Variants in CPNE6 observed in about 807,000 individuals in gnomAD.
The protein encoded by CPNE6 is copine 6, also known as copine-6.
In CPNE6, 33 loss-of-function variants were observed where a neutral mutation model predicts 71.5. That is an observed-to-expected ratio of 0.46 (90% confidence interval 0.35 to 0.62). CPNE6 has a LOEUF of 0.62. Ranked by LOEUF, CPNE6 falls within the 20% of genes least tolerant of loss-of-function variation. The pLI, the probability that CPNE6 is intolerant of heterozygous loss-of-function variation, is 0.00. For missense variants in CPNE6, 576 were observed against 747.3 expected (o/e 0.77, Z 2.67); for synonymous variants, 296 against 293.0 (o/e 1.01, Z -0.10).
Position 24,077,906 on chromosome 14 carries a change from G to T in CPNE6, c.*56G>T, listed in dbSNP as rs542897310. 2 of 587,406 alleles carry T rather than the reference G, an allele frequency of 3.4e-6. No individual in the cohort carries two copies. The highest frequency in any genetic ancestry group is 5.4e-6 in the Non-Finnish European group (2 of 370,798). 36.4% of individuals were successfully genotyped at this position (587,406 alleles called of 1,614,324 possible). A position where few individuals can be genotyped will look rare whatever the true frequency, so the allele number is the denominator to read the frequency against. Reference sequence around the variant, plus strand: ...CTCCCAGGTGCCTGTCCTGACCCTCGTGACTCCAGTGACCAATGCCTCCAC... The same window carrying T: ...CTCCCAGGTGCCTGTCCTGACCCTCTTGACTCCAGTGACCAATGCCTCCAC... On this transcript the variant is annotated 3_prime_UTR_variant, in exon 18 of 18. Transcript: ENST00000397016. This position sits in a 1 kb window ranked among gnomAD's most constrained non-coding sequence, Gnocchi z 6.1.
chr14:24,076,775 G>A, intron 14 of CPNE6, 104 bp from the exon 14 acceptor site: 2 of 1,566,054 alleles, frequency 1.3e-6, no homozygotes, highest in East Asian at 2.2e-5. Context: ...AGGAACTCGA[G>A]GGGAGGGCAG....
Position 24,073,060 on chromosome 14 carries a change from C to A in CPNE6, c.124C>A (p.Pro42Thr). ...CCGGGACACACTCACCAAACCCCAC[C>A]CCTGCGTGCTGCTCAAGCTCTACTC... The change falls in exon 3 of 18, where the codon CCC becomes ACC. Residue 42 changes from proline (P) to threonine (T), a missense_variant. By Grantham distance (38) the Pro-to-Thr change is conservative. Coordinates refer to ENST00000397016, the Ensembl canonical transcript of CPNE6. This position sits in a 1 kb window ranked among gnomAD's most constrained non-coding sequence, Gnocchi z 5.5. The A allele has an allele frequency of 6.5e-7, 1 of 1,538,860 alleles. No individual in the cohort carries two copies. Among genetic ancestry groups the A allele is most frequent in the South Asian group, 1.2e-5 (1 of 81,214 alleles).
Position 24,075,515 on chromosome 14 carries a change from A to G in CPNE6, c.788A>G (p.Asp263Gly). The G allele has an allele frequency of 1.2e-6, 2 of 1,611,592 alleles. No homozygotes were observed. Among genetic ancestry groups the G allele is most frequent in the Admixed American group, 3.4e-5 (2 of 59,568 alleles). ...TGGGGTGGGGTCTAGATGCAGTGGG[A>G]CTGTATCAACCCCAAGTATCGGGAC... is the stretch of plus-strand genomic sequence containing the variant. The change falls in exon 10 of 18, where the codon GAC (aspartate) becomes GGC (glycine). Residue 263 changes from aspartate to glycine, a missense_variant. Asp to Gly is a moderately conservative substitution (Grantham distance 94, BLOSUM62 -1). Around this residue, in one of 4 missense-constraint regions of CPNE6, gnomAD observed 214 missense variants for 291.2 expected, o/e 0.73. Coordinates refer to ENST00000397016, the Ensembl canonical transcript of CPNE6. The surrounding 1 kb of genome is among the most constrained non-coding windows in gnomAD (Gnocchi z 4.3).
intron 11 of CPNE6, 24 bp from the exon 11 acceptor site, chr14:24,076,125 G>A (rs764095852): frequency 1.9e-6 from 3 of 1,609,074 alleles, no homozygotes; most frequent in African/African-American, 2.7e-5. Flanking sequence ...GTTGCAGCAT[G>A]ACCTTCTTCC....
Position 24,072,918 on chromosome 14 carries a change from G to A in CPNE6, c.-4-15G>A. ...TCCCTTTCCAGAGTCCAGGCCACCT[G>A]CTCTGTCCCCACAGTGACATGTCGG... On this transcript the variant is annotated splice_polypyrimidine_tract_variant and intron_variant, in intron 2 of 17. Coordinates refer to ENST00000397016, the Ensembl canonical transcript of CPNE6. 1 of 1,542,708 alleles carries A rather than the reference G, an allele frequency of 6.5e-7. No homozygotes were observed. The highest frequency in any genetic ancestry group is 8.7e-7 in the Non-Finnish European group (1 of 1,146,634).
chr14:24,076,679 C>G, intron 14 of CPNE6, 122 bp downstream of exon 13: 1 of 1,484,454 alleles, frequency 6.7e-7, no homozygotes, highest in Non-Finnish European at 9.3e-7. Context: ...CTGTCTTTAT[C>G]AGGTGAGGCT....
Position 24,075,291 on chromosome 14 carries a change from C to T in CPNE6, c.777+15C>T, listed in dbSNP as rs770676238. 5 of 1,599,962 alleles carry T rather than the reference C, an allele frequency of 3.1e-6. No individual in the cohort carries two copies. Among genetic ancestry groups the T allele is most frequent in the South Asian group, 1.1e-5 (1 of 90,790 alleles). On this transcript the variant is annotated intron_variant, in intron 9 of 17. Transcript: ENST00000397016. This position sits in a 1 kb window ranked among gnomAD's most constrained non-coding sequence, Gnocchi z 4.3. Reference sequence around the variant, plus strand: ...CTGGGCAGGAGGTGCCACAAATACCCCACCCCCAGAATCCCACCCAGATCC... The same window carrying T: ...CTGGGCAGGAGGTGCCACAAATACCTCACCCCCAGAATCCCACCCAGATCC...
Position 24,077,105 on chromosome 14 carries a change from C to A in CPNE6, c.1300-49C>A. The A allele has an allele frequency of 1.3e-6, 2 of 1,593,702 alleles. No individual in the cohort carries two copies. Among genetic ancestry groups the A allele is most frequent in the Non-Finnish European group, 1.7e-6 (2 of 1,173,950 alleles). On this transcript the variant is annotated intron_variant, in intron 15 of 17. Coordinates refer to ENST00000397016, the Ensembl canonical transcript of CPNE6. The surrounding 1 kb of genome is among the most constrained non-coding windows in gnomAD (Gnocchi z 6.1). ...TGCACCTTGGTGGAAACGGTGTCAA[C>A]GCCCTTGCACACAAAGCCAACCCTT...
chr14:24,073,022 A>G lies in CPNE6; in HGVS notation c.86A>G (p.His29Arg), dbSNP rs2035950637. The G allele has an allele frequency of 2.5e-6, 4 of 1,578,796 alleles. No homozygotes were observed. The highest frequency in any genetic ancestry group is 3.4e-6 in the Non-Finnish European group (4 of 1,163,962). ...CGGGTGGAGCTGCGGGTGTCCTGCC[A>G]TGGCCTCCTGGACCGGGACACACTC... is the stretch of plus-strand genomic sequence containing the variant. Residue 29 changes from histidine to arginine, a missense_variant, in exon 3 of 18, where the codon CAT becomes CGT. By Grantham distance (29) the His-to-Arg change is conservative. Transcript: ENST00000397016. This position sits in a 1 kb window ranked among gnomAD's most constrained non-coding sequence, Gnocchi z 5.5.
chr14:24,075,330 G>C lies in CPNE6; in HGVS notation c.777+54G>C. 1 of 1,521,302 alleles carries C rather than the reference G, an allele frequency of 6.6e-7. No individual in the cohort carries two copies. The highest frequency in any genetic ancestry group is 9.1e-7 in the Non-Finnish European group (1 of 1,095,614). 94.2% of individuals were successfully genotyped at this position (1,521,302 alleles called of 1,614,324 possible). ...CCACCCAGATCCCTGGGAGAATCCT[G>C]AGGGTGATGCTGAAGAGACCACCAT... is the stretch of plus-strand genomic sequence containing the variant. On this transcript the variant is annotated intron_variant, in intron 9 of 17. Coordinates refer to ENST00000397016, the Ensembl canonical transcript of CPNE6. The surrounding 1 kb of genome is among the most constrained non-coding windows in gnomAD (Gnocchi z 4.3).
chr14:24,077,876 A>C lies in CPNE6; in HGVS notation c.*38-12A>C. 1.2e-6 allele frequency: 1 copy of C among 844,074 alleles called. No individual in the cohort carries two copies. The highest frequency in any genetic ancestry group is 1.7e-6 in the Non-Finnish European group (1 of 601,404). 52.3% of individuals were successfully genotyped at this position (844,074 alleles called of 1,614,324 possible). ...AGAAGAGAGTGCTTATGACTCTCCC[A>C]CCCCCTCCCAGGTGCCTGTCCTGAC... On this transcript the variant is annotated splice_polypyrimidine_tract_variant and intron_variant, in intron 17 of 17. Coordinates refer to ENST00000397016, the Ensembl canonical transcript of CPNE6. This position sits in a 1 kb window ranked among gnomAD's most constrained non-coding sequence, Gnocchi z 6.1.
In CPNE6 at chr14:24,073,050, C is replaced by G. The variant is rs370467929; in HGVS notation, c.114C>G (p.Thr38=). The change falls in exon 3 of 18, where the codon ACC becomes ACG. Residue 38 remains threonine, a synonymous_variant. Transcript: ENST00000397016. This position sits in a 1 kb window ranked among gnomAD's most constrained non-coding sequence, Gnocchi z 5.5. ...GCCTCCTGGACCGGGACACACTCACCAAACCCCACCCCTGCGTGCTGCTCA... is the reference window on the plus strand; with the variant it reads ...GCCTCCTGGACCGGGACACACTCACGAAACCCCACCCCTGCGTGCTGCTCA... The G allele has an allele frequency of 1.3e-5, 20 of 1,558,084 alleles. No individual in the cohort carries two copies. Among genetic ancestry groups the G allele is most frequent in the Non-Finnish European group, 1.6e-5 (19 of 1,154,040 alleles).
chr14:24,077,697 C>G lies in CPNE6; in HGVS notation c.1641C>G (p.Cys547Trp), dbSNP rs1174744750. The G allele has an allele frequency of 3.2e-6, 5 of 1,560,976 alleles. No homozygotes were observed. Among genetic ancestry groups the G allele is most frequent in the Non-Finnish European group, 4.3e-6 (5 of 1,155,926 alleles). The change falls in exon 17 of 18, where the codon TGC (cysteine) becomes TGG (tryptophan). Residue 547 changes from cysteine to tryptophan, a missense_variant. Cys to Trp is a radical substitution (Grantham distance 215). This residue lies in a region of CPNE6 where 264 missense variants were observed against 339.9 expected (regional missense o/e 0.78). Coordinates refer to ENST00000397016, the Ensembl canonical transcript of CPNE6. This position sits in a 1 kb window ranked among gnomAD's most constrained non-coding sequence, Gnocchi z 6.1. ...TCAGCCCTGGGGCTCCCAGGCCCTG[C>G]ACACTGGCTACGACTCCCAGCCCTA...
rs1483019150 is a variant in CPNE6, at chr14:24,075,751, C to T, written c.865-76C>T. ...AAAAACTCTGGCTCCCCCATGTTCC[C>T]CACAGAAGCCCTACCCAAGCTCCCT... On this transcript the variant is annotated intron_variant, in intron 10 of 17. Coordinates refer to ENST00000397016, the Ensembl canonical transcript of CPNE6. This position sits in a 1 kb window ranked among gnomAD's most constrained non-coding sequence, Gnocchi z 4.3. The T allele has an allele frequency of 6.8e-7, 1 of 1,475,438 alleles. No individual in the cohort carries two copies. The highest frequency in any genetic ancestry group is 9.5e-7 in the Non-Finnish European group (1 of 1,057,644). 91.4% of individuals were successfully genotyped at this position (1,475,438 alleles called of 1,614,324 possible).
intron 11 of CPNE6, 119 bp downstream of exon 10, chr14:24,076,005 A>G: frequency 3.3e-6 from 5 of 1,498,212 alleles, no homozygotes; most frequent in Non-Finnish European, 4.6e-6. Context: ...TCGCATTGTC[A>G]GCTTATGCAC....
chr14:24,077,974 T>C lies in CPNE6; in HGVS notation c.*124T>C. 2.3e-6 allele frequency: 1 copy of C among 435,858 alleles called. No individual in the cohort carries two copies. The highest frequency in any genetic ancestry group is 4.0e-6 in the Non-Finnish European group (1 of 248,018). 27.0% of individuals were successfully genotyped at this position (435,858 alleles called of 1,614,324 possible). On this transcript the variant is annotated 3_prime_UTR_variant, in exon 18 of 18. Transcript: ENST00000397016. This position sits in a 1 kb window ranked among gnomAD's most constrained non-coding sequence, Gnocchi z 6.1. ...CCCCCTGGGTTCTGGACGTGAGTGG[T>C]GGGTCCTGCTCCTATCTCTCCAAAC...
At chr14:24,076,834 G>T (rs756922998) in intron 14 of CPNE6, 45 bp from the exon 14 acceptor site, 2 of 1,608,374 alleles carry the variant, frequency 1.2e-6, no homozygotes, top group Non-Finnish European at 1.7e-6. Context: ...TCAGGAGGGG[G>T]CCCTGCTCAT....
At chr14:24,071,501 G>GCTCCC in intron 1 of CPNE6, 61 bp from the exon 1 acceptor site, 1 of 1,416,704 alleles carries the variant, frequency 7.1e-7, no homozygotes, top group Non-Finnish European at 9.3e-7. Flanking sequence ...CTGGTGCTGC[G>GCTCCC]CCCCCCCCCA....
intron 1 of CPNE6, 61 bp from the exon 1 acceptor site, chr14:24,071,501 G>GGGCCCCCCCCCCCCCC: frequency 7.1e-7 from 1 of 1,416,696 alleles, no homozygotes; most frequent in Non-Finnish European, 9.3e-7. Context: ...CTGGTGCTGC[G>GGGCCCCCCCCCCCCCC]CCCCCCCCCA....
Sources: gnomAD v4.1 joint callset for allele counts on GRCh38, gnomAD v4.1.1 for gene constraint, gnomAD v4.1.1 regional missense constraint, Gnocchi (gnomAD v3.1) non-coding constraint, MANE v1.5 for transcripts, NCBI Gene and HGNC (gene_info 2026-07-23, HGNC 2026-07-21) for gene names.